Variants in BCAS3 observed in about 807,000 individuals in gnomAD.
The protein encoded by BCAS3 is BCAS4/BCAS3 fusion.
In BCAS3, 53 loss-of-function variants were observed where a neutral mutation model predicts 116.1. That is an observed-to-expected ratio of 0.46 (90% CI 0.37 to 0.57). The LOEUF is 0.57. BCAS3 is among the 20% of genes least tolerant of loss of function. The pLI is 0.00. For missense variants in BCAS3, 917 were observed against 1,165.4 expected, an observed-to-expected ratio of 0.79 and a Z score of 3.10; for synonymous variants, 391 against 408.2, an observed-to-expected ratio of 0.96 and a Z score of 0.51.
At chr17:60,860,360 T>C (rs2054052111) in intron 7 of BCAS3, among the ~76,000 whole-genome samples, 1 of 152,096 alleles carries the variant, frequency 6.6e-6, no homozygotes. Context: ...TTCTTGCTTG[T>C]TGACTTATAG....
intron 7 of BCAS3, among the ~76,000 whole-genome samples, chr17:60,850,054 G>A (rs966963585): frequency 5.3e-5 from 8 of 152,086 alleles, no homozygotes; most frequent in Non-Finnish European, 1.0e-4. Context: ...CACTGCACTT[G>A]GTGCCTGGAC....
chr17:61,352,100 A>G lies in BCAS3; in HGVS notation c.2426-16227A>G, dbSNP rs1234849360. Among the ~76,000 whole-genome samples, 5 of 152,236 alleles carry G rather than the reference A, an allele frequency of 3.3e-5. No homozygotes were observed. Among genetic ancestry groups the G allele is most frequent in the Non-Finnish European group, 4.4e-5 (3 of 68,040 alleles). ...CTAGTAGTTTTTCAACCCTAAAGGC[A>G]TTTCTAAAACTAAAATGAAACAGTG... On this transcript the variant is annotated intron_variant, in intron 22 of 23. Coordinates refer to ENST00000407086, the MANE Select transcript of BCAS3 (RefSeq NM_017679.5). The surrounding 1 kb of genome is among the most constrained non-coding windows in gnomAD (Gnocchi z 4.7).
intron 16 of BCAS3, among the ~76,000 whole-genome samples, chr17:61,030,369 G>T (rs749579317): frequency 1.3e-5 from 2 of 151,964 alleles, no homozygotes; most frequent in African/African-American, 4.8e-5. Flanking sequence ...GATATCATTA[G>T]AATTTTGTAC....
Position 61,363,092 on chromosome 17 carries a change from T to C in BCAS3, c.2426-5235T>C, listed in dbSNP as rs2058539035. On this transcript the variant is annotated intron_variant, in intron 22 of 23. Coordinates refer to ENST00000407086, the MANE Select transcript of BCAS3 (RefSeq NM_017679.5). This position sits in a 1 kb window ranked among gnomAD's most constrained non-coding sequence, Gnocchi z 4.9. ...TGCCCTCGGGAGCTTCTAAACTAGT[T>C]AGAAAAGCAGTTCATGTGAACAGTG... Among the ~76,000 whole-genome samples, 1 of 152,128 alleles carries C rather than the reference T, an allele frequency of 6.6e-6. No individual in the cohort carries two copies. The highest frequency in any genetic ancestry group is 1.5e-5 in the Non-Finnish European group (1 of 68,024).
intron 7 of BCAS3, among the ~76,000 whole-genome samples, chr17:60,812,048 GTC>G (rs2048878305): frequency 6.9e-6 from 1 of 145,714 alleles, no homozygotes. Flanking sequence ...GTGAGACCCA[GTC>G]TCAAAAAAAA....
intron 22 of BCAS3, among the ~76,000 whole-genome samples, chr17:61,247,218 A>C (rs540588280): frequency 1.4e-4 from 22 of 152,306 alleles, no homozygotes; most frequent in African/African-American, 5.3e-4. Flanking sequence ...GAGGTTTTTA[A>C]AAACCTGAAC....
chr17:60,985,691 C>T (rs917216104), intron 14 of BCAS3, among the ~76,000 whole-genome samples: 1 of 152,020 alleles, frequency 6.6e-6, no homozygotes, highest in Admixed American at 6.6e-5. Flanking sequence ...TCCAGCCTCT[C>T]GTAAACATCC....
intron 18 of BCAS3, 50 bp from the exon 19 acceptor site, chr17:61,040,742 C>T (rs1302925802): frequency 1.4e-6 from 2 of 1,432,284 alleles, no homozygotes; most frequent in Non-Finnish European, 9.9e-7. Context: ...TGGTGATTTA[C>T]ATCCCATCTA....
chr17:61,133,782 T>A (rs556598918), intron 22 of BCAS3, among the ~76,000 whole-genome samples: 1 of 147,700 alleles, frequency 6.8e-6, no homozygotes, highest in East Asian at 2.0e-4. Flanking sequence ...AATAGGTTAT[T>A]TCCTTAGCCT....
At position 61,213,329 on chromosome 17, in the gene BCAS3, C is replaced by G. The variant is rs969222373; in HGVS notation, c.2425+128765C>G. ...GGATTACAGGCTCCTGCCACCATGCCCGGCTAATTTTTGTATTTTTAGTAG... is the reference window on the plus strand; with the variant it reads ...GGATTACAGGCTCCTGCCACCATGCGCGGCTAATTTTTGTATTTTTAGTAG... On this transcript the variant is annotated intron_variant, in intron 22 of 23. Transcript: ENST00000407086. This position sits in a 1 kb window ranked among gnomAD's most constrained non-coding sequence, Gnocchi z 5.4. Among the ~76,000 whole-genome samples the G allele has an allele frequency of 6.6e-6, 1 of 151,908 alleles. No individual in the cohort carries two copies. Among genetic ancestry groups the G allele is most frequent in the Admixed American group, 6.6e-5 (1 of 15,236 alleles).
Position 61,145,736 on chromosome 17 carries a change from A to C in BCAS3, c.2425+61172A>C, listed in dbSNP as rs1318167202. Among the ~76,000 whole-genome samples, 1 of 152,234 alleles carries C rather than the reference A, an allele frequency of 6.6e-6. No homozygotes were observed. The highest frequency in any genetic ancestry group is 1.9e-4 in the East Asian group (1 of 5,206). On this transcript the variant is annotated intron_variant, in intron 22 of 23. Transcript: ENST00000407086. The surrounding 1 kb of genome is among the most constrained non-coding windows in gnomAD (Gnocchi z 5.0). ...GAGAAATTGAAAATCTAAGTCTTGC[A>C]GTGAGAATGACCAGAAATCGTTTCC...
chr17:61,311,471 C>T (rs2054299998), intron 22 of BCAS3, among the ~76,000 whole-genome samples: 1 of 152,174 alleles, frequency 6.6e-6, no homozygotes, highest in Non-Finnish European at 1.5e-5. Flanking sequence ...GTCTGTGAAA[C>T]ATTTGGATAT....
chr17:61,322,856 CAGAGAG>C lies in BCAS3; in HGVS notation c.2426-45452_2426-45447del, dbSNP rs149772722. On this transcript the variant is annotated intron_variant, in intron 22 of 23. Transcript: ENST00000407086. ...AGAGAGAGAGAGAGAGAGAGAGAGA[CAGAGAG>C]AGAGAGAGAGAGAGAGAGGTGGTGG... Among the ~76,000 whole-genome samples, 20 of 60,512 alleles carry C rather than the reference CAGAGAG, an allele frequency of 3.3e-4. 2 individuals carry two copies. The highest frequency in any genetic ancestry group is 8.9e-4 in the East Asian group (2 of 2,246). The allele number at this position is 60,512 out of a possible 152,430, so 39.7% of individuals were successfully genotyped here.
intron 7 of BCAS3, among the ~76,000 whole-genome samples, chr17:60,868,005 T>C (rs761371323): frequency 6.6e-6 from 1 of 151,726 alleles, no homozygotes; most frequent in Non-Finnish European, 1.5e-5. Context: ...GGTGTAATCA[T>C]ATAATTTTTC....
At chr17:60,766,781 C>G (rs1233384555) in intron 6 of BCAS3, among the ~76,000 whole-genome samples, 1 of 152,226 alleles carries the variant, frequency 6.6e-6, no homozygotes, top group Admixed American at 6.5e-5. Flanking sequence ...GCCTTTTGTT[C>G]AGCTATGCTC....
chr17:60,948,225 C>T (rs1438335062), intron 14 of BCAS3, among the ~76,000 whole-genome samples: 1 of 152,058 alleles, frequency 6.6e-6, no homozygotes, highest in African/African-American at 2.4e-5. Flanking sequence ...TTTCCTGCCT[C>T]AGCCTCCCAA....
Position 61,045,896 on chromosome 17 carries a change from TATATATAA to T in BCAS3, c.2029+5012_2029+5019del, listed in dbSNP as rs2068074880. 1.1e-4 allele frequency among the ~76,000 whole-genome samples: 4 copies of T among 34,986 alleles called. 1 individual carries two copies. The African/African-American group carries it at 1.2e-3, about 11-fold the overall frequency. 23.0% of individuals were successfully genotyped at this position (34,986 alleles called of 152,430 possible). On this transcript the variant is annotated intron_variant, in intron 19 of 23. Coordinates refer to ENST00000407086, the MANE Select transcript of BCAS3 (RefSeq NM_017679.5). The stretch of plus-strand genomic sequence containing the variant: ...ATATAAATATATATTATATATATAA[TATATATAA>T]ATATATATTTATATATATAATATAT...
intron 6 of BCAS3, among the ~76,000 whole-genome samples, chr17:60,757,392 ATATGTGTGTGTG>A (rs2043109623): frequency 7.5e-6 from 1 of 132,696 alleles, no homozygotes; most frequent in Non-Finnish European, 1.5e-5. Context: ...GCCAGCATGT[ATATGTGTGTGTG>A]TGTGTGTGTG....
At chr17:60,903,091 T>C (rs2058001889) in intron 11 of BCAS3, among the ~76,000 whole-genome samples, 1 of 152,216 alleles carries the variant, frequency 6.6e-6, no homozygotes, top group South Asian at 2.1e-4. Context: ...TCAAGTGAGC[T>C]CTTTTTTTCA....
Sources: allele counts gnomAD v4.1 joint callset (sites outside exome capture counted in the v4.1 genomes callset), GRCh38; gene constraint gnomAD v4.1.1; non-coding constraint Gnocchi (gnomAD v3.1); transcripts MANE v1.5; gene names NCBI Gene and HGNC (gene_info 2026-07-23, HGNC 2026-07-21).